The following CALN1 variants were observed in gnomAD, a reference collection of about 807,000 sequenced individuals.
The protein encoded by CALN1 is calneuron 1, also known as calcium-binding protein 8.
A neutral mutation model predicts 30.6 loss-of-function variants in CALN1; 17 were observed. That is an observed-to-expected ratio of 0.56 (90% CI 0.38 to 0.83). The LOEUF is 0.83. Ranked by LOEUF, CALN1 falls within the 40% of genes least tolerant of loss-of-function variation. The pLI is 0.00. For missense variants in CALN1, 291 were observed against 354.9 expected (o/e 0.82, Z 1.45); for synonymous variants, 156 against 131.4 (o/e 1.19, Z -1.28).
intron 2 of CALN1, among the ~76,000 whole-genome samples, chr7:72,398,889 C>T (rs1417149089): frequency 6.6e-6 from 1 of 152,110 alleles, no homozygotes; most frequent in Non-Finnish European, 1.5e-5. Context: ...CATTATAAGC[C>T]AAAGATGAGC....
chr7:72,336,759 G>T (rs1379416541), intron 2 of CALN1: 2 of 985,150 alleles, frequency 2.0e-6, no homozygotes, highest in East Asian at 2.3e-4. Flanking sequence ...CGCACAGCGC[G>T]GGGGGCTTCC....
chr7:72,405,431 G>A (rs188543241), intron 1 of CALN1, among the ~76,000 whole-genome samples: 18 of 152,182 alleles, frequency 1.2e-4, no homozygotes, highest in Admixed American at 2.6e-4. Flanking sequence ...GAAGGCAAAG[G>A]GCAAACAGGC....
chr7:71,938,705 G>C (rs1472789814), intron 5 of CALN1, among the ~76,000 whole-genome samples: 2 of 152,134 alleles, frequency 1.3e-5, no homozygotes, highest in Non-Finnish European at 2.9e-5. Flanking sequence ...TGAGGCAGGA[G>C]AATCACTTGA....
chr7:72,191,094 T>C (rs926202387), intron 3 of CALN1, among the ~76,000 whole-genome samples: 1 of 152,172 alleles, frequency 6.6e-6, no homozygotes, highest in Non-Finnish European at 1.5e-5. Flanking sequence ...CATGGTCTAG[T>C]GTGAGAGACA....
chr7:71,898,626 A>C lies in CALN1; in HGVS notation c.502-88134T>G, dbSNP rs1261339044. ...TACAAGCCATGGTTTGAAGAAGCCC[A>C]ACAAAGCCCAAGGAAGACACATAAA... On this transcript the variant is annotated intron_variant, in intron 5 of 6. Coordinates refer to ENST00000395275, the MANE Select transcript of CALN1 (RefSeq NM_031468.4). Among the ~76,000 whole-genome samples, 3 of 152,228 alleles carry C rather than the reference A, an allele frequency of 2.0e-5. No individual in the cohort carries two copies. The South Asian group carries it at 6.2e-4, about 32-fold the overall frequency.
At chr7:72,401,157 T>A (rs1315129215) in intron 2 of CALN1, among the ~76,000 whole-genome samples, 1 of 152,130 alleles carries the variant, frequency 6.6e-6, no homozygotes, top group Non-Finnish European at 1.5e-5. Context: ...CTCCTTTCTC[T>A]CAAGGGTCTC....
At chr7:72,408,595 C>T in intron 1 of CALN1, among the ~76,000 whole-genome samples, 1 of 149,162 alleles carries the variant, frequency 6.7e-6, no homozygotes, top group Non-Finnish European at 1.5e-5. Context: ...TCATGGGATA[C>T]AAGTGCAATT....
At chr7:72,266,615 C>G (rs1562814865) in intron 3 of CALN1, among the ~76,000 whole-genome samples, 1 of 151,944 alleles carries the variant, frequency 6.6e-6, no homozygotes, top group East Asian at 1.9e-4. Flanking sequence ...TGTGTTTTTT[C>G]TTTTATCTTA....
chr7:71,951,310 G>T (rs564890259), intron 5 of CALN1, among the ~76,000 whole-genome samples: 1 of 152,172 alleles, frequency 6.6e-6, no homozygotes, highest in South Asian at 2.1e-4. Flanking sequence ...TAGCAGAAAC[G>T]GCCGGGCGCA....
At chr7:72,240,350 G>A (rs758474059) in intron 3 of CALN1, among the ~76,000 whole-genome samples, 16 of 151,912 alleles carry the variant, frequency 1.1e-4, no homozygotes, top group African/African-American at 2.7e-4. Context: ...ACGTGCCACC[G>A]TGCCAGGCTA....
intron 5 of CALN1, among the ~76,000 whole-genome samples, chr7:71,986,531 A>C (rs1185393635): frequency 1.3e-5 from 2 of 152,176 alleles, no homozygotes; most frequent in East Asian, 3.9e-4. Context: ...TGCAGACATC[A>C]CCTTTCATTG....
At chr7:71,838,259 T>C (rs1789736803) in intron 5 of CALN1, among the ~76,000 whole-genome samples, 1 of 152,258 alleles carries the variant, frequency 6.6e-6, no homozygotes, top group Admixed American at 6.5e-5. Context: ...TAAATCTTTT[T>C]AAGCAGGCTT....
At chr7:72,223,091 C>T (rs111577688) in intron 3 of CALN1, among the ~76,000 whole-genome samples, 1 of 152,140 alleles carries the variant, frequency 6.6e-6, no homozygotes, top group African/African-American at 2.4e-5. Flanking sequence ...CCTGTTAAAG[C>T]AGTTGGCACT....
At chr7:72,224,413 ACTT>A (rs1156722206) in intron 3 of CALN1, among the ~76,000 whole-genome samples, 1 of 152,144 alleles carries the variant, frequency 6.6e-6, no homozygotes, top group Admixed American at 6.6e-5. Flanking sequence ...GAAACAAGTG[ACTT>A]CTTTTAATGC....
chr7:72,497,975 G>A, the CALN1 span, among the ~76,000 whole-genome samples: 1 of 152,064 alleles, frequency 6.6e-6, no homozygotes, highest in East Asian at 1.9e-4. Flanking sequence ...AAAAGATGTG[G>A]AAACTCTCAA....
chr7:72,406,581 C>A (rs1252888250), intron 1 of CALN1, among the ~76,000 whole-genome samples: 2 of 151,658 alleles, frequency 1.3e-5, no homozygotes, highest in Non-Finnish European at 2.9e-5. Flanking sequence ...GATCTCTGGG[C>A]TAATTCCTAG....
In CALN1 at chr7:72,441,631, ATGAGCTATAAGTCT is replaced by A. The variant is rs1458524520; in HGVS notation, c.-226+5397_-226+5410del. ...AAAAAAAAAAAAAAAAGTTGGGAGA[ATGAGCTATAAGTCT>A]TGGTCCCAGGAGAGACGAGGACGTA... is the stretch of plus-strand genomic sequence containing the variant. On this transcript the variant is annotated intron_variant, in intron 1 of 6. Coordinates refer to the CALN1 transcript ENST00000395276. Among the ~76,000 whole-genome samples, 459 of 150,966 alleles carry A rather than the reference ATGAGCTATAAGTCT, an allele frequency of 3.0e-3. 1 individual carries two copies. The highest frequency in any genetic ancestry group is 0.01 in the African/African-American group (424 of 41,166).
intron 4 of CALN1, among the ~76,000 whole-genome samples, chr7:72,079,812 C>T (rs991115334): frequency 2.7e-4 from 39 of 143,424 alleles, no homozygotes; most frequent in Non-Finnish European, 5.7e-4. Flanking sequence ...ACTCCGTCGC[C>T]CAGGCTGGAG....
intron 5 of CALN1, among the ~76,000 whole-genome samples, chr7:71,977,784 T>C (rs1434903805): frequency 6.6e-6 from 1 of 151,750 alleles, no homozygotes; most frequent in Non-Finnish European, 1.5e-5. Flanking sequence ...ATATAAAAAT[T>C]AACCGTGCAT....
Sources: allele counts gnomAD v4.1 joint callset (sites outside exome capture counted in the v4.1 genomes callset), GRCh38; gene constraint gnomAD v4.1.1; transcripts MANE v1.5; gene names NCBI Gene and HGNC (gene_info 2026-07-23, HGNC 2026-07-21).